Variants in VSIG4 observed in about 807,000 individuals in gnomAD.
The protein encoded by VSIG4 is V-set and immunoglobulin domain containing 4.
VSIG4 carries 34 observed loss-of-function variants against 23.4 expected under a neutral mutation model. The observed-to-expected ratio is 1.45, with a 90% CI of 1.10 to 1.93. The LOEUF is 1.93. VSIG4 is among the 30% of genes most tolerant of loss of function. VSIG4 has a pLI of 0.00. For missense variants in VSIG4, 433 were observed against 310.8 expected, an observed-to-expected ratio of 1.39 and a Z score of -2.96; for synonymous variants, 169 against 120.3, an observed-to-expected ratio of 1.41 and a Z score of -2.65.
rs1161240158 is a variant in VSIG4 at position 66,025,143 on chromosome X, C to T, written c.836-14G>A. On this transcript the variant is annotated splice_polypyrimidine_tract_variant and intron_variant, in intron 5 of 7. Transcript: ENST00000374737. ...GCAGGCTCTTTCCTAGAGGGTAAAA[C>T]AAGATCAAGTGGTATTTGATTGAAA... 7 of 1,125,705 alleles carry T rather than the reference C, an allele frequency of 6.2e-6. No individual in the cohort carries two copies. The Admixed American group carries it at 1.7e-4, about 28-fold the overall frequency. 92.8% of individuals were successfully genotyped at this position (1,125,705 alleles called of 1,213,427 possible). A position where few individuals can be genotyped will look rare whatever the true frequency, so the allele number is the denominator to read the frequency against.
At position 66,032,663 on chromosome X, in the gene VSIG4, C is replaced by A; in HGVS notation, c.499G>T (p.Ala167Ser). ...QGMRISLQCQ[A>S]RGSPPISYIW... ...TAACTGATGGGAGGAGAACCCCGAGCCTGGCATTGAAGGCTAATCCTCATT... is the reference window on the plus strand; with the variant it reads ...TAACTGATGGGAGGAGAACCCCGAGACTGGCATTGAAGGCTAATCCTCATT... Residue 167 changes from alanine to serine, a missense_variant, in exon 3 of 8, where the codon GCT becomes TCT. By Grantham distance (99) the Ala-to-Ser change is moderately conservative. Transcript: ENST00000374737. 1 of 1,211,312 alleles carries A rather than the reference C, an allele frequency of 8.3e-7. No homozygotes were observed. The highest frequency in any genetic ancestry group is 1.1e-6 in the Non-Finnish European group (1 of 895,329).
intron 3 of VSIG4, 129 bp from the exon 4 acceptor site, chrX:66,028,241 A>G (rs2085416768): frequency 1.9e-6 from 1 of 531,405 alleles, no homozygotes; most frequent in African/African-American, 2.3e-5. Flanking sequence ...CACTTCTGTC[A>G]TGATGCTGGT....
chrX:66,025,165 G>T (rs756357439), intron 5 of VSIG4, 36 bp from the exon 6 acceptor site: 1 of 1,015,406 alleles, frequency 9.8e-7, no homozygotes, highest in South Asian at 2.3e-5. Flanking sequence ...GTATTTGATT[G>T]AAAATAAGGC....
At position 66,033,675 on chromosome X, in the gene VSIG4, C is replaced by T; in HGVS notation, c.211G>A (p.Asp71Asn). Residue 71 changes from aspartate to asparagine, a missense_variant, in exon 2 of 8, where the codon GAC becomes AAC. Physicochemically the swap from Asp to Asn is conservative, Grantham distance 23. Transcript: ENST00000374737. ...GSDPVTIFLR[D>N]SSGDHIQQAK... ...TGCTGGATATGGTCTCCAGAAGAGT[C>T]ACGTAGAAAGATGGTGACAGGGTCT... The T allele has an allele frequency of 8.3e-7, 1 of 1,211,236 alleles. No homozygotes were observed. The highest frequency in any genetic ancestry group is 1.1e-6 in the Non-Finnish European group (1 of 895,412).
intron 1 of VSIG4, among the ~76,000 whole-genome samples, chrX:66,036,398 C>G (rs1222201970): frequency 9.5e-6 from 1 of 104,797 alleles, no homozygotes; most frequent in African/African-American, 3.5e-5. Flanking sequence ...TGTAGTTCCC[C>G]TAGAATCAAG....
rs1305892426 is a variant in VSIG4, at chrX:66,032,622, T to C, written c.540A>G (p.Gln180=). The change falls in exon 3 of 8, where the codon CAA becomes CAG. Residue 180 remains glutamine, a synonymous_variant. Coordinates refer to ENST00000374737, the MANE Select transcript of VSIG4 (RefSeq NM_007268.3). ...SPPISYIWYK[Q]QTNNQEPIKV... ...TGATGGGTTCCTGGTTATTAGTCTGTTGCTTATACCAAATATAACTGATGG... is the reference window on the plus strand; with the variant it reads ...TGATGGGTTCCTGGTTATTAGTCTGCTGCTTATACCAAATATAACTGATGG... The C allele has an allele frequency of 8.3e-7, 1 of 1,211,559 alleles. No individual in the cohort carries two copies. The highest frequency in any genetic ancestry group is 3.0e-5 in the East Asian group (1 of 33,826).
chrX:66,027,339 G>A (rs1443722651), intron 5 of VSIG4, 110 bp downstream of exon 5: 3 of 661,161 alleles, frequency 4.5e-6, no homozygotes, highest in African/African-American at 4.4e-5. Context: ...GCACATAGCA[G>A]GTAATGATTT....
chrX:66,033,871 C>A, intron 1 of VSIG4, 41 bp from the exon 2 acceptor site: 1 of 1,075,250 alleles, frequency 9.3e-7, no homozygotes. Flanking sequence ...ACGTAGATGG[C>A]ATACCTACTT....
At chrX:66,039,472 C>A (rs2085658168) in intron 1 of VSIG4, among the ~76,000 whole-genome samples, 1 of 111,750 alleles carries the variant, frequency 8.9e-6, no homozygotes, top group Admixed American at 9.5e-5. Flanking sequence ...TGTTTCTGAG[C>A]ACTTATTCAT....
chrX:66,023,270 G>A (rs1324860225), intron 6 of VSIG4, among the ~76,000 whole-genome samples: 7 of 110,526 alleles, frequency 6.3e-5, no homozygotes, highest in African/African-American at 2.3e-4. Flanking sequence ...GCCTGATGCT[G>A]ATGGCCGTGA....
At chrX:66,029,985 A>G (rs2085445639) in intron 3 of VSIG4, among the ~76,000 whole-genome samples, 4 of 112,030 alleles carry the variant, frequency 3.6e-5, no homozygotes, top group African/African-American at 1.3e-4. Context: ...ATATAGAAAT[A>G]CATGCAGAGA....
At chrX:66,026,878 G>A (rs778677961) in intron 5 of VSIG4, among the ~76,000 whole-genome samples, 29 of 111,500 alleles carry the variant, frequency 2.6e-4, no homozygotes, top group Non-Finnish European at 4.1e-4. Context: ...GTTAAGGGGA[G>A]CAGCTAATTA....
At chrX:66,026,524 C>T (rs184328256) in intron 5 of VSIG4, among the ~76,000 whole-genome samples, 33 of 111,526 alleles carry the variant, frequency 3.0e-4, no homozygotes, top group African/African-American at 9.4e-4. Flanking sequence ...CGGAGAGGAA[C>T]GGAGCTATGG....
At chrX:66,033,269 G>A (rs1336335384) in intron 2 of VSIG4, among the ~76,000 whole-genome samples, 1 of 111,121 alleles carries the variant, frequency 9.0e-6, no homozygotes, top group Non-Finnish European at 1.9e-5. Flanking sequence ...TGCAGGTCAG[G>A]AACCCTTCCC....
At chrX:66,035,455 T>G (rs2085525426) in intron 1 of VSIG4, among the ~76,000 whole-genome samples, 1 of 112,196 alleles carries the variant, frequency 8.9e-6, no homozygotes. Flanking sequence ...GGGGAAGTTC[T>G]AGGCTTTGTT....
chrX:66,036,756 TATA>T (rs1321690260), intron 1 of VSIG4, among the ~76,000 whole-genome samples: 1 of 43,528 alleles, frequency 2.3e-5, no homozygotes, highest in Non-Finnish European at 3.6e-5. Flanking sequence ...TAATATATAA[TATA>T]ATATAATATA....
chrX:66,037,538 A>G (rs866671529), intron 1 of VSIG4, among the ~76,000 whole-genome samples: 1 of 21,446 alleles, frequency 4.7e-5, no homozygotes, highest in Non-Finnish European at 8.1e-5. Context: ...TATATTCATA[A>G]TATATTATAT....
At chrX:66,027,554 A>T in intron 4 of VSIG4, 28 bp from the exon 5 acceptor site, 1 of 1,120,178 alleles carries the variant, frequency 8.9e-7, no homozygotes, top group Non-Finnish European at 1.2e-6. Context: ...AGGGTCAGAG[A>T]TGTCTCTCTT....
At chrX:66,036,828 T>A (rs1456461055) in intron 1 of VSIG4, among the ~76,000 whole-genome samples, 1 of 39,352 alleles carries the variant, frequency 2.5e-5, no homozygotes, top group Non-Finnish European at 3.9e-5. Flanking sequence ...TTATTATATA[T>A]ATAATATGTT....
Sources: gnomAD v4.1 joint callset for allele counts (sites outside exome capture counted in the v4.1 genomes callset) on GRCh38, gnomAD v4.1.1 for gene constraint, MANE v1.5 for transcripts, NCBI Gene and HGNC (gene_info 2026-07-23, HGNC 2026-07-21) for gene names.